ANO5: variants seen among roughly 807,000 people sequenced by gnomAD.
ANO5 encodes the protein anoctamin 5, also known as anoctamin-5.
Under a neutral mutation model 121.0 loss-of-function variants are expected in ANO5, and 109 were observed. The observed-to-expected ratio is 0.90, with a 90% confidence interval of 0.77 to 1.06. ANO5 has a LOEUF of 1.06. ANO5 is among the 50% of genes least tolerant of loss of function. The pLI is 0.00. For missense variants in ANO5, 1,064 were observed against 1,078.5 expected, an observed-to-expected ratio of 0.99 and a Z score of 0.19; for synonymous variants, 406 against 359.9, an observed-to-expected ratio of 1.13 and a Z score of -1.45.
chr11:22,237,326 C>T (rs1415175257), intron 8 of ANO5, among the ~76,000 whole-genome samples: 2 of 152,138 alleles, frequency 1.3e-5, no homozygotes, highest in African/African-American at 4.8e-5. Context: ...CAAAGCCAAG[C>T]TCTTCCTTTC....
At chr11:22,259,379 G>A in intron 14 of ANO5, 140 bp from the exon 15 acceptor site, 2 of 852,882 alleles carry the variant, frequency 2.3e-6, no homozygotes, top group South Asian at 2.9e-5. Flanking sequence ...TAGGGAAAGA[G>A]AGACTGACTT....
At chr11:22,236,472 C>T (rs763866221) in intron 8 of ANO5, among the ~76,000 whole-genome samples, 196 bp downstream of exon 8, 1 of 152,148 alleles carries the variant, frequency 6.6e-6, no homozygotes, top group African/African-American at 2.4e-5. Flanking sequence ...TTTAAGGTTT[C>T]AAATGGACAT....
intron 4 of ANO5, 143 bp downstream of exon 4, chr11:22,218,430 G>C: frequency 5.6e-6 from 6 of 1,072,834 alleles, no homozygotes; most frequent in Non-Finnish European, 8.5e-6. Context: ...TTTAAGAATA[G>C]TGATTCTTAA....
chr11:22,217,050 T>C (rs1320644303), intron 3 of ANO5, among the ~76,000 whole-genome samples: 1 of 151,948 alleles, frequency 6.6e-6, no homozygotes, highest in African/African-American at 2.4e-5. Context: ...ATGACCAACA[T>C]TTGTCTTGTA....
chr11:22,207,067 T>TA (rs1564911904), intron 2 of ANO5, among the ~76,000 whole-genome samples: 2 of 151,920 alleles, frequency 1.3e-5, no homozygotes, highest in Non-Finnish European at 2.9e-5. Context: ...AAGAAGGTTG[T>TA]AAAAAATAAG....
chr11:22,213,206 A>G (rs1590226438), intron 3 of ANO5, among the ~76,000 whole-genome samples: 1 of 151,892 alleles, frequency 6.6e-6, no homozygotes, highest in Admixed American at 6.6e-5. Context: ...ATATTGGTGC[A>G]TTATTATCAA....
intron 7 of ANO5, among the ~76,000 whole-genome samples, chr11:22,235,058 T>C (rs896980539): frequency 6.6e-6 from 1 of 152,146 alleles, no homozygotes; most frequent in Non-Finnish European, 1.5e-5. Flanking sequence ...TTTCAGATGT[T>C]TGCAGATCTC....
chr11:22,227,552 C>A lies in ANO5; in HGVS notation c.614C>A (p.Ala205Glu). ...GAGCTCTTCCTCATCGAAGATCAGG[C>A]AACCTTCTTTCCATCCTCATCAAGA... ...RQELFLIEDQ[A>E]TFFPSSSRNR... Residue 205 changes from alanine to glutamate, a missense_variant, in exon 7 of 22, where the codon GCA becomes GAA. Physicochemically the swap from Ala to Glu is moderately radical, Grantham distance 107. Transcript: ENST00000324559. 1 of 1,613,446 alleles carries A rather than the reference C, an allele frequency of 6.2e-7. No individual in the cohort carries two copies. Among genetic ancestry groups the A allele is most frequent in the Non-Finnish European group, 8.5e-7 (1 of 1,179,696 alleles).
chr11:22,268,944 C>G (rs1854467315), intron 17 of ANO5, among the ~76,000 whole-genome samples: 1 of 151,958 alleles, frequency 6.6e-6, no homozygotes, highest in Non-Finnish European at 1.5e-5. Context: ...GTCAAGGCCG[C>G]AGTGAGCTGT....
intron 9 of ANO5, among the ~76,000 whole-genome samples, chr11:22,246,526 G>C (rs1853621329): frequency 6.6e-6 from 1 of 151,960 alleles, no homozygotes; most frequent in African/African-American, 2.4e-5. Context: ...TAAAGGTTTT[G>C]TGGGTAGACT....
intron 3 of ANO5, among the ~76,000 whole-genome samples, chr11:22,217,954 AAAAT>A (rs1852507054): frequency 6.6e-6 from 1 of 151,840 alleles, no homozygotes; most frequent in Non-Finnish European, 1.5e-5. Flanking sequence ...AGAAATAAAT[AAAAT>A]AAAATATAAA....
Position 22,211,453 on chromosome 11 carries a change from G to GAA in ANO5, c.138+148_138+149dup, listed in dbSNP as rs141135840. 545 of 983,722 alleles carry GAA rather than the reference G, an allele frequency of 5.5e-4. 1 individual carries two copies. In the African/African-American group the frequency reaches 8.2e-3, roughly 15 times the overall value. 60.9% of individuals were successfully genotyped at this position (983,722 alleles called of 1,614,324 possible). The stretch of plus-strand genomic sequence containing the variant: ...TGGTATTTGAGAATATATTACTTTA[G>GAA]AAAAAAAAAATCAGTTTCTTTAGGT... On this transcript the variant is annotated intron_variant, in intron 3 of 21. Transcript: ENST00000324559.
In ANO5 at chr11:22,255,511, G is replaced by A; in HGVS notation, c.1321G>A (p.Ala441Thr). 6.2e-7 allele frequency: 1 copy of A among 1,613,122 alleles called. No homozygotes were observed. Residue 441 changes from alanine (A) to threonine (T), a missense_variant, in exon 13 of 22, where the codon GCA becomes ACA. Transcript: ENST00000324559. The part of the protein sequence containing the change: ...EAMCKHRKLN[A>T]VTKEMEPYMP... Reference sequence around the variant, plus strand: ...TATGTGTAAACACAGGAAATTGAATGCAGTGACTAAGGTAGACTAGAAAAC... The same window carrying A: ...TATGTGTAAACACAGGAAATTGAATACAGTGACTAAGGTAGACTAGAAAAC...
chr11:22,222,421 C>T (rs1302912716), intron 5 of ANO5, among the ~76,000 whole-genome samples: 3 of 151,944 alleles, frequency 2.0e-5, no homozygotes, highest in African/African-American at 7.2e-5. Flanking sequence ...TTCTACTCAG[C>T]CATTCACTCA....
At chr11:22,230,846 A>G (rs543601727) in intron 7 of ANO5, among the ~76,000 whole-genome samples, 1 of 152,160 alleles carries the variant, frequency 6.6e-6, no homozygotes, top group East Asian at 1.9e-4. Context: ...AGGTTCTATC[A>G]GTTTAACTCC....
chr11:22,204,577 G>T (rs1208024322), intron 2 of ANO5, among the ~76,000 whole-genome samples: 3 of 152,056 alleles, frequency 2.0e-5, no homozygotes, highest in African/African-American at 7.2e-5. Context: ...TCTAGAATAG[G>T]TTGGCTATTT....
chr11:22,227,509 T>TGAA lies in ANO5; in HGVS notation c.571_572insGAA (p.Phe191delinsTer). ...CCATCCTGAATATTTTACTGCACAA[T>TGAA]TCAGCAGACATCGGCAGGAGCTCTT... On this transcript the variant is annotated stop_gained, in exon 7 of 22. Coordinates refer to ENST00000324559, the MANE Select transcript of ANO5 (RefSeq NM_213599.3). LOFTEE classifies it high-confidence loss of function. 6.2e-7 allele frequency: 1 copy of TGAA among 1,613,596 alleles called. No homozygotes were observed. Among genetic ancestry groups the TGAA allele is most frequent in the Non-Finnish European group, 8.5e-7 (1 of 1,179,738 alleles).
chr11:22,243,204 T>C (rs1044689303), intron 9 of ANO5, among the ~76,000 whole-genome samples: 1 of 152,128 alleles, frequency 6.6e-6, no homozygotes, highest in African/African-American at 2.4e-5. Context: ...CCTATTTATG[T>C]GGTGAATCAC....
At chr11:22,222,151 G>A (rs72979959) in intron 5 of ANO5, among the ~76,000 whole-genome samples, 4,474 of 151,892 alleles carry the variant, frequency 0.029, 94 homozygotes, top group Non-Finnish European at 0.048. Context: ...CTTGTATCTT[G>A]TTGATTATAC....
Sources: gnomAD v4.1 joint callset for allele counts (sites outside exome capture counted in the v4.1 genomes callset) on GRCh38, gnomAD v4.1.1 for gene constraint, MANE v1.5 for transcripts, NCBI Gene and HGNC (gene_info 2026-07-23, HGNC 2026-07-21) for gene names.